DGKZ: variants seen among roughly 807,000 people sequenced by gnomAD.
The protein encoded by DGKZ is DAG kinase zeta.
Under a neutral mutation model 142.5 loss-of-function variants are expected in DGKZ, and 45 were observed. The ratio of observed to expected loss-of-function variants is 0.32; its 90% CI spans 0.25 to 0.40. DGKZ has a LOEUF of 0.40. Among genes scored for constraint, DGKZ ranks in the 10% least tolerant of loss-of-function variants. DGKZ has a pLI of 1.00. For missense variants in DGKZ, 755 were observed against 1,306.5 expected (o/e 0.58, Z 6.51); for synonymous variants, 442 against 527.0 (o/e 0.84, Z 2.21).
At chr11:46,366,596 G>C in intron 1 of DGKZ, 3 of 1,608,190 alleles carry the variant, frequency 1.9e-6, no homozygotes, top group Non-Finnish European at 2.5e-6. Flanking sequence ...GACCGGGCTT[G>C]TGGGCATGAA....
At chr11:46,361,749 C>T in intron 1 of DGKZ, 3 of 895,466 alleles carry the variant, frequency 3.4e-6, no homozygotes, top group Non-Finnish European at 4.0e-6. Flanking sequence ...CTGCTTCCTC[C>T]CTCTGTATCT....
At chr11:46,352,278 C>T (rs546747549) in intron 1 of DGKZ, among the ~76,000 whole-genome samples, 5 of 152,346 alleles carry the variant, frequency 3.3e-5, no homozygotes, top group African/African-American at 1.2e-4. Flanking sequence ...TGGAGGCTGC[C>T]CTGCAGTGCC....
exon 9 of DGKZ, chr11:46,371,747 A>C: frequency 6.2e-7 from 1 of 1,613,728 alleles, no homozygotes; most frequent in Non-Finnish European, 8.5e-7. Context: ...GCATCCTTCA[A>C]GAGGAAGTCC....
rs76614572 is a variant in DGKZ, at chr11:46,378,807, T to C, written c.2419-184T>C. On this transcript the variant is annotated intron_variant, in intron 27 of 30. Coordinates refer to ENST00000527911, the Ensembl canonical transcript of DGKZ. ...GTGCTGCCAGAGAGCCCACAGGCTGTGGGGTGAGAGGCCCCTCCTCCGGTG... is the reference window on the plus strand; with the variant it reads ...GTGCTGCCAGAGAGCCCACAGGCTGCGGGGTGAGAGGCCCCTCCTCCGGTG... 2.7e-4 allele frequency: 284 copies of C among 1,047,768 alleles called. 1 individual carries two copies. The East Asian group carries it at 5.6e-3, about 21-fold the overall frequency. The allele number at this position is 1,047,768 out of a possible 1,614,324, so 64.9% of individuals were successfully genotyped here.
chr11:46,378,176 A>G (rs765426888), intron 25 of DGKZ, 22 bp from the exon 26 acceptor site: 34 of 1,607,574 alleles, frequency 2.1e-5, no homozygotes, highest in Non-Finnish European at 2.9e-5. Flanking sequence ...AGCCGGTCAC[A>G]GCACATCATG....
At chr11:46,375,785 C>T in intron 20 of DGKZ, 66 bp from the exon 21 acceptor site, 1 of 1,532,538 alleles carries the variant, frequency 6.5e-7, no homozygotes, top group Non-Finnish European at 8.8e-7. Context: ...TGGTTTGGTG[C>T]CAGGCCGAGG....
rs147007748 is a variant in DGKZ at position 46,367,331 on chromosome 11, C to A, written c.202C>A (p.Pro68Thr). Residue 68 changes from proline (P) to threonine (T), a missense_variant, in exon 2 of 31, where the codon CCT becomes ACT. Pro to Thr is a conservative substitution (Grantham distance 38). Transcript: ENST00000527911. This position sits in a 1 kb window ranked among gnomAD's most constrained non-coding sequence, Gnocchi z 4.1. ...GTCGGGCCTCCAGCACCTGGCCCCC[C>A]CTCCGCCCACCCCTGGGGCCCCGTG... is the stretch of plus-strand genomic sequence containing the variant. 7.5e-3 allele frequency: 12,149 copies of A among 1,612,912 alleles called. 78 individuals are homozygous for A. Among genetic ancestry groups the A allele is most frequent in the Non-Finnish European group, 9.4e-3 (11,097 of 1,179,974 alleles).
At position 46,376,163 on chromosome 11, in the gene DGKZ, C is replaced by T. The variant is rs1436990701; in HGVS notation, c.2091+18C>T. The T allele has an allele frequency of 6.2e-7, 1 of 1,606,282 alleles. No individual in the cohort carries two copies. The highest frequency in any genetic ancestry group is 8.5e-7 in the Non-Finnish European group (1 of 1,178,224). On this transcript the variant is annotated intron_variant, in intron 22 of 30. Transcript: ENST00000527911. ...TCCAGCAGGTAAGGGGTGGGGGCTTCCCCAGGTGCCCACCGAGAGGGTGGT... is the reference window on the plus strand; with the variant it reads ...TCCAGCAGGTAAGGGGTGGGGGCTTTCCCAGGTGCCCACCGAGAGGGTGGT...
chr11:46,370,702 C>T (rs146977578), intron 6 of DGKZ, among the ~76,000 whole-genome samples: 18 of 152,260 alleles, frequency 1.2e-4, no homozygotes, highest in Admixed American at 4.6e-4. Context: ...CATGTGGTGC[C>T]GTGCAGGTAA....
At chr11:46,345,653 A>G, upstream of DGKZ, 1 of 1,416,628 alleles carries the variant, frequency 7.1e-7, no homozygotes, top group East Asian at 2.9e-5. The surrounding 1 kb of genome is among the most constrained non-coding windows in gnomAD (Gnocchi z 4.1). Flanking sequence ...TTTATCTGAG[A>G]TGGGGGTGAC....
At chr11:46,371,571 C>T (rs761495221) in exon 8 of DGKZ, 2 of 1,611,104 alleles carry the variant, frequency 1.2e-6, no homozygotes, top group South Asian at 1.1e-5. Context: ...GGTCATCCCG[C>T]CCACCTGGAT....
chr11:46,369,354 G>T, intron 4 of DGKZ, 140 bp from the exon 5 acceptor site: 1 of 913,262 alleles, frequency 1.1e-6, no homozygotes, highest in South Asian at 1.4e-5. Context: ...GAGGTGTCTC[G>T]TGTTTCAAGG....
chr11:46,372,353 ACACCCCT>A lies in DGKZ; in HGVS notation c.928-73_928-67del. On this transcript the variant is annotated intron_variant, in intron 10 of 30. Coordinates refer to ENST00000527911, the Ensembl canonical transcript of DGKZ. The surrounding 1 kb of genome is among the most constrained non-coding windows in gnomAD (Gnocchi z 5.9). ...CTTATTGGCCCTGGTTCCCACAGTC[ACACCCCT>A]CTCCCTCTGCTGCTCCCACTTCGTC... is the stretch of plus-strand genomic sequence containing the variant. The A allele has an allele frequency of 6.6e-7, 1 of 1,526,444 alleles. No homozygotes were observed. Among genetic ancestry groups the A allele is most frequent in the Non-Finnish European group, 9.1e-7 (1 of 1,103,716 alleles). 94.6% of individuals were successfully genotyped at this position (1,526,444 alleles called of 1,614,324 possible). A position where few individuals can be genotyped will look rare whatever the true frequency, so the allele number is the denominator to read the frequency against.
chr11:46,333,035 G>T (rs1408743730), exon 1 of DGKZ: 3 of 345,246 alleles, frequency 8.7e-6, no homozygotes, highest in Non-Finnish European at 1.6e-5. Context: ...GCAGCACCCC[G>T]ACTCCAGCCA....
At chr11:46,379,686 A>G (rs1944999293) in intron 30 of DGKZ, 118 bp downstream of exon 30, 19 of 1,284,594 alleles carry the variant, frequency 1.5e-5, no homozygotes, top group Non-Finnish European at 2.0e-5. Flanking sequence ...ACCCTGGGAA[A>G]CCTGAGCCAG....
rs1460652950 is a variant in DGKZ at position 46,333,785 on chromosome 11, G to C, written c.212+298G>C. On this transcript the variant is annotated intron_variant, in intron 1 of 30. Coordinates refer to the DGKZ transcript ENST00000343674. ...TTGTTCTTACAAACCTCTATCTGCT[G>C]GGGAGAGCCAGGAGATGCCCCCTGG... is the stretch of plus-strand genomic sequence containing the variant. Among the ~76,000 whole-genome samples the C allele has an allele frequency of 2.6e-5, 4 of 152,136 alleles. No individual in the cohort carries two copies. In the East Asian group the frequency reaches 5.8e-4, roughly 22 times the overall value.
upstream of DGKZ, among the ~76,000 whole-genome samples, chr11:46,342,693 C>A (rs75848787): frequency 1.2e-3 from 183 of 152,306 alleles, 3 homozygotes; most frequent in East Asian, 0.033. Context: ...ATATCCCCTA[C>A]CTTAGAGCAG....
intron 1 of DGKZ, among the ~76,000 whole-genome samples, chr11:46,334,937 A>T (rs551414489): frequency 7.9e-5 from 12 of 152,178 alleles, no homozygotes; most frequent in Non-Finnish European, 1.5e-4. Context: ...GAGCTGGACA[A>T]TATCTCTCCC....
At chr11:46,344,620 AT>A (rs1940456143), upstream of DGKZ, among the ~76,000 whole-genome samples, 1 of 151,122 alleles carries the variant, frequency 6.6e-6, no homozygotes, top group South Asian at 2.1e-4. Context: ...CGCCGGGCTA[AT>A]TTTTGTATTT....
Sources: gnomAD v4.1 joint callset for allele counts (sites outside exome capture counted in the v4.1 genomes callset) on GRCh38, gnomAD v4.1.1 for gene constraint, Gnocchi (gnomAD v3.1) non-coding constraint, MANE v1.5 for transcripts, NCBI Gene and HGNC (gene_info 2026-07-23, HGNC 2026-07-21) for gene names.